LZTFL1: variants seen among roughly 807,000 people sequenced by gnomAD.
The protein encoded by LZTFL1 is leucine zipper transcription factor like 1, also known as leucine zipper transcription factor-like protein 1.
A neutral mutation model predicts 45.9 loss-of-function variants in LZTFL1; 25 were observed. The observed-to-expected ratio is 0.54, with a 90% confidence interval of 0.40 to 0.76. The LOEUF (loss-of-function observed/expected upper bound fraction) is 0.76. Ranked by LOEUF, LZTFL1 falls within the 30% of genes least tolerant of loss-of-function variation. The probability of loss-of-function intolerance (pLI) is 0.00; values close to 1 mark genes in which losing one functional copy is unlikely to be tolerated. For synonymous variants in LZTFL1, 93 were observed against 117.4 expected, an observed-to-expected ratio of 0.79 and a Z score of 1.35; for missense variants, 277 against 331.1, an observed-to-expected ratio of 0.84 and a Z score of 1.27.
chr3:45,836,428 G>A (rs1700967463), intron 2 of LZTFL1, among the ~76,000 whole-genome samples: 1 of 152,202 alleles, frequency 6.6e-6, no homozygotes. Flanking sequence ...GCAGAGGCAG[G>A]TGGATCACTT....
chr3:45,871,118 A>T (rs1337700053), intron 2 of LZTFL1, among the ~76,000 whole-genome samples: 1 of 152,242 alleles, frequency 6.6e-6, no homozygotes, highest in African/African-American at 2.4e-5. Context: ...CTTGATGAAC[A>T]TGTAGGTGGT....
Position 45,825,070 on chromosome 3 carries a change from T to G in LZTFL1, c.*1244A>C, listed in dbSNP as rs1246458764. 2 of 393,206 alleles carry G rather than the reference T, an allele frequency of 5.1e-6. No homozygotes were observed. Among genetic ancestry groups the G allele is most frequent in the Non-Finnish European group, 9.0e-6 (2 of 222,906 alleles). 24.4% of individuals were successfully genotyped at this position (393,206 alleles called of 1,614,324 possible). ...ATAAGAAAAATAATAAATTCAAGGC[T>G]ATTACTAAAAGCTTGAATAAAAATA... On this transcript the variant is annotated 3_prime_UTR_variant, in exon 10 of 10. Coordinates refer to ENST00000296135, the MANE Select transcript of LZTFL1 (RefSeq NM_020347.4).
In LZTFL1 at chr3:45,830,522, A is replaced by T. The variant is rs887603153; in HGVS notation, c.600+391T>A. On this transcript the variant is annotated intron_variant, in intron 7 of 9. Coordinates refer to ENST00000296135, the MANE Select transcript of LZTFL1 (RefSeq NM_020347.4). The stretch of plus-strand genomic sequence containing the variant: ...AAAACCCAAATATAAACCAATTAAA[A>T]ACTTTTCTTTTCATTTTCTTTCCCC... 4.6e-5 allele frequency among the ~76,000 whole-genome samples: 7 copies of T among 152,314 alleles called. No individual in the cohort carries two copies. In the East Asian group the frequency reaches 1.3e-3, roughly 29 times the overall value.
At chr3:45,898,389 C>A (rs1161402671) in intron 2 of LZTFL1, among the ~76,000 whole-genome samples, 1 of 152,178 alleles carries the variant, frequency 6.6e-6, no homozygotes, top group Non-Finnish European at 1.5e-5. Context: ...CAGACAAGGG[C>A]CAATGCTAGA....
At chr3:45,859,228 C>T (rs1701441970) in intron 2 of LZTFL1, among the ~76,000 whole-genome samples, 4 of 152,164 alleles carry the variant, frequency 2.6e-5, no homozygotes, top group South Asian at 4.1e-4. Context: ...TCTAAATATT[C>T]TACTCCATTC....
At chr3:45,891,050 C>T (rs1248779984) in intron 2 of LZTFL1, among the ~76,000 whole-genome samples, 4 of 152,166 alleles carry the variant, frequency 2.6e-5, no homozygotes, top group South Asian at 4.1e-4. Context: ...TTTCTCCTCT[C>T]GGCTTTTCTG....
intron 1 of LZTFL1, among the ~76,000 whole-genome samples, chr3:45,841,360 TGGAG>T (rs1701106855): frequency 6.6e-6 from 1 of 152,228 alleles, no homozygotes; most frequent in Non-Finnish European, 1.5e-5. Context: ...CTATATTCGC[TGGAG>T]GGATTAATGA....
At chr3:45,880,748 C>T (rs1324791248) in intron 2 of LZTFL1, among the ~76,000 whole-genome samples, 1 of 152,100 alleles carries the variant, frequency 6.6e-6, no homozygotes, top group South Asian at 2.1e-4. Context: ...CCAATCTTCA[C>T]ATTGATGGGA....
chr3:45,842,315 G>A (rs905243900), upstream of LZTFL1: 24 of 643,788 alleles, frequency 3.7e-5, no homozygotes, highest in Admixed American at 1.9e-4. Flanking sequence ...GGGAGGGTTG[G>A]GCTGCCTGGA....
Position 45,837,793 on chromosome 3 carries a change from T to G in LZTFL1, c.128+134A>C. The G allele has an allele frequency of 5.7e-6, 5 of 880,758 alleles. No homozygotes were observed. In the South Asian group the frequency reaches 1.1e-4, roughly 19 times the overall value. 54.6% of individuals were successfully genotyped at this position (880,758 alleles called of 1,614,324 possible). A position where few individuals can be genotyped will look rare whatever the true frequency, so the allele number is the denominator to read the frequency against. On this transcript the variant is annotated intron_variant, in intron 2 of 9. Transcript: ENST00000296135. ...TGTTTCCTGTATCCATGAGGCTTAG[T>G]GTAGCTGCTCTTAGCAAATAATTGA...
intron 1 of LZTFL1, among the ~76,000 whole-genome samples, chr3:45,838,512 G>C (rs966061515): frequency 9.9e-5 from 15 of 152,182 alleles, no homozygotes; most frequent in African/African-American, 3.1e-4. Context: ...ATAAACTTCT[G>C]TATTCTTCAA....
rs147451080 is a variant in LZTFL1 at position 45,900,081 on chromosome 3, C to A, written c.-215+13039G>T. Among the ~76,000 whole-genome samples the A allele has an allele frequency of 1.3e-3, 197 of 152,196 alleles. No homozygotes were observed. Among genetic ancestry groups the A allele is most frequent in the African/African-American group, 4.2e-3 (175 of 41,522 alleles). ...ATATGAGTGTGTGTGCTTGTTGGGGCCAGCTTCATGGCTGTGCAACCCACA... is the reference window on the plus strand; with the variant it reads ...ATATGAGTGTGTGTGCTTGTTGGGGACAGCTTCATGGCTGTGCAACCCACA... On this transcript the variant is annotated intron_variant, in intron 2 of 4. Transcript: ENST00000472635. This position sits in a 1 kb window ranked among gnomAD's most constrained non-coding sequence, Gnocchi z 4.7.
At chr3:45,902,110 G>A (rs1057134027) in intron 2 of LZTFL1, 2 of 503,668 alleles carry the variant, frequency 4.0e-6, no homozygotes, top group Admixed American at 3.7e-5. Flanking sequence ...GCTCTTGACT[G>A]TGATGCCCGC....
Position 45,901,036 on chromosome 3 carries a change from C to A in LZTFL1, c.-215+12084G>T, listed in dbSNP as rs780540895. The A allele has an allele frequency of 1.9e-6, 3 of 1,614,190 alleles. No individual in the cohort carries two copies. The highest frequency in any genetic ancestry group is 2.5e-6 in the Non-Finnish European group (3 of 1,180,028). ...TACTGCACAAGAGTGAAGACCATGA[C>A]CGACATGTTCCTTTTGAATTTGGCA... On this transcript the variant is annotated intron_variant, in intron 2 of 4. Coordinates refer to the LZTFL1 transcript ENST00000472635. The surrounding 1 kb of genome is among the most constrained non-coding windows in gnomAD (Gnocchi z 4.3).
At chr3:45,873,381 G>A (rs1701700297) in intron 2 of LZTFL1, among the ~76,000 whole-genome samples, 1 of 152,174 alleles carries the variant, frequency 6.6e-6, no homozygotes, top group African/African-American at 2.4e-5. Context: ...TTTATTTCCT[G>A]CAATAATTTA....
At chr3:45,892,733 A>C (rs1702225719) in intron 2 of LZTFL1, among the ~76,000 whole-genome samples, 1 of 152,170 alleles carries the variant, frequency 6.6e-6, no homozygotes, top group South Asian at 2.1e-4. Flanking sequence ...GAAAAAACCC[A>C]CAAAAACAAA....
chr3:45,891,853 G>GT (rs1702189592), intron 2 of LZTFL1, among the ~76,000 whole-genome samples: 1 of 152,002 alleles, frequency 6.6e-6, no homozygotes, highest in African/African-American at 2.4e-5. Flanking sequence ...TTCATTTTGC[G>GT]TTTTTCTGAT....
intron 2 of LZTFL1, among the ~76,000 whole-genome samples, chr3:45,873,898 G>A (rs1274309625): frequency 6.6e-6 from 1 of 152,088 alleles, no homozygotes; most frequent in Non-Finnish European, 1.5e-5. Flanking sequence ...TATAACCTTT[G>A]TAGTCAGTTT....
rs773679186 is a variant in LZTFL1 at position 45,901,859 on chromosome 3, T to A, written c.-215+11261A>T. ...GAGAGGGAAGCTTGAAGCTGTCGTC[T>A]ATGTTGCTGGAGACAACCTCAGGAG... On this transcript the variant is annotated intron_variant, in intron 2 of 4. Transcript: ENST00000472635. The surrounding 1 kb of genome is among the most constrained non-coding windows in gnomAD (Gnocchi z 4.3). The A allele has an allele frequency of 3.7e-6, 6 of 1,609,776 alleles. No homozygotes were observed. In the Admixed American group the frequency reaches 1.0e-4, roughly 27 times the overall value.
Sources: gnomAD v4.1 joint callset for allele counts (sites outside exome capture counted in the v4.1 genomes callset) on GRCh38, gnomAD v4.1.1 for gene constraint, Gnocchi (gnomAD v3.1) non-coding constraint, MANE v1.5 for transcripts, NCBI Gene and HGNC (gene_info 2026-07-23, HGNC 2026-07-21) for gene names.